Variants in PRKN observed in about 807,000 individuals in gnomAD.
PRKN encodes parkin RBR E3 ubiquitin protein ligase, also known as E3 ubiquitin-protein ligase parkin.
PRKN carries 56 observed loss-of-function variants against 59.5 expected under a neutral mutation model. The observed-to-expected ratio is 0.94, with a 90% CI of 0.76 to 1.18. The LOEUF (loss-of-function observed/expected upper bound fraction) is 1.18, where lower values mean the gene tolerates loss of function less well. PRKN is among the 50% of genes most tolerant of loss of function. The pLI is 0.00. For missense variants in PRKN, 657 were observed against 596.4 expected (o/e 1.10, Z -1.06); for synonymous variants, 250 against 222.1 (o/e 1.13, Z -1.12).
chr6:161,664,040 CTTTGA>C, intron 7 of PRKN, among the ~76,000 whole-genome samples: 1 of 152,338 alleles, frequency 6.6e-6, no homozygotes, highest in Admixed American at 6.5e-5. Context: ...CCCTAAACCC[CTTTGA>C]TTTATCAATT....
At chr6:162,050,823 T>TC (rs1338181129) in intron 5 of PRKN, among the ~76,000 whole-genome samples, 1 of 151,354 alleles carries the variant, frequency 6.6e-6, no homozygotes, top group Admixed American at 6.6e-5. Context: ...CACTCCCACC[T>TC]CCCCCCAATC....
Position 161,402,189 on chromosome 6 carries a change from A to C in PRKN, c.1084-15312T>G, listed in dbSNP as rs1468690660. 2.0e-5 allele frequency among the ~76,000 whole-genome samples: 3 copies of C among 152,054 alleles called. No homozygotes were observed. Among genetic ancestry groups the C allele is most frequent in the Non-Finnish European group, 4.4e-5 (3 of 68,008 alleles). ...AACTCATGCCTCGGGGGTCGTGAGC[A>C]GGAGGTGAAGCCAAATGCCTTCAGT... is the stretch of plus-strand genomic sequence containing the variant. On this transcript the variant is annotated intron_variant, in intron 9 of 11. Coordinates refer to ENST00000366898, the MANE Select transcript of PRKN (RefSeq NM_004562.3). The surrounding 1 kb of genome is among the most constrained non-coding windows in gnomAD (Gnocchi z 4.5).
chr6:161,862,437 A>T (rs1037880605), intron 6 of PRKN, among the ~76,000 whole-genome samples: 2 of 152,200 alleles, frequency 1.3e-5, no homozygotes, highest in African/African-American at 4.8e-5. Context: ...TCACCTCTGC[A>T]TTGGCTGAGC....
At chr6:162,058,631 A>C (rs1039476386) in intron 4 of PRKN, among the ~76,000 whole-genome samples, 2 of 152,194 alleles carry the variant, frequency 1.3e-5, no homozygotes, top group African/African-American at 4.8e-5. Context: ...AATGGTCAAT[A>C]ACACACCTAC....
intron 2 of PRKN, among the ~76,000 whole-genome samples, chr6:162,297,965 T>A (rs1264916122): frequency 3.9e-5 from 6 of 152,146 alleles, no homozygotes; most frequent in Non-Finnish European, 1.5e-5. Flanking sequence ...ATTATAGCTG[T>A]GGGTGCTAGA....
intron 7 of PRKN, among the ~76,000 whole-genome samples, chr6:161,741,442 C>T (rs746466519): frequency 6.6e-5 from 10 of 152,230 alleles, no homozygotes; most frequent in South Asian, 4.2e-4. Context: ...TTGTACCGGA[C>T]GGGGAATCCG....
chr6:162,640,666 T>C (rs1777923896), intron 1 of PRKN, among the ~76,000 whole-genome samples: 1 of 152,236 alleles, frequency 6.6e-6, no homozygotes, highest in African/African-American at 2.4e-5. Flanking sequence ...TTTCATAAAG[T>C]ATGTCTGCTG....
At chr6:161,682,731 G>A (rs907831826) in intron 7 of PRKN, among the ~76,000 whole-genome samples, 2 of 152,190 alleles carry the variant, frequency 1.3e-5, no homozygotes, top group African/African-American at 4.8e-5. Context: ...AGGGAGCAGA[G>A]GGCCGCTCTG....
chr6:162,144,551 C>T (rs912792419), intron 4 of PRKN, among the ~76,000 whole-genome samples: 2 of 152,112 alleles, frequency 1.3e-5, no homozygotes, highest in Non-Finnish European at 2.9e-5. Context: ...GCTGGCTTCC[C>T]TACAATGTCT....
intron 2 of PRKN, among the ~76,000 whole-genome samples, chr6:162,295,982 T>C (rs1403737162): frequency 6.6e-6 from 1 of 151,862 alleles, no homozygotes; most frequent in Non-Finnish European, 1.5e-5. Context: ...CAAAGAAACA[T>C]GAAATAAAAA....
intron 1 of PRKN, among the ~76,000 whole-genome samples, chr6:162,479,741 T>C (rs915002155): frequency 6.8e-6 from 1 of 147,816 alleles, no homozygotes; most frequent in African/African-American, 2.5e-5. Context: ...TGCCTGAGGC[T>C]GTTTTACAGT....
At chr6:162,593,871 G>C (rs1344101357) in intron 1 of PRKN, among the ~76,000 whole-genome samples, 1 of 152,062 alleles carries the variant, frequency 6.6e-6, no homozygotes, top group African/African-American at 2.4e-5. Flanking sequence ...CACTCCTTTG[G>C]GCCAGGCACG....
chr6:162,690,069 A>G (rs971397039), intron 1 of PRKN, among the ~76,000 whole-genome samples: 7 of 28,288 alleles, frequency 2.5e-4, no homozygotes, highest in African/African-American at 9.3e-4. Flanking sequence ...TCTTGAAGAT[A>G]TATTGTTATT....
At position 162,400,078 on chromosome 6, in the gene PRKN, G is replaced by A. The variant is rs1449598507; in HGVS notation, c.171+43232C>T. Among the ~76,000 whole-genome samples the A allele has an allele frequency of 2.0e-5, 3 of 152,096 alleles. No homozygotes were observed. The East Asian group carries it at 5.8e-4, about 30-fold the overall frequency. ...AAAAATTAGCTGGGCATGGTGGCAG[G>A]TGCCTGTAATCCCAGCTACTTGGGA... is the stretch of plus-strand genomic sequence containing the variant. On this transcript the variant is annotated intron_variant, in intron 2 of 11. Transcript: ENST00000366898.
rs1313238598 is a variant in PRKN, at chr6:161,502,200, A to G, written c.1083+46654T>C. Among the ~76,000 whole-genome samples, 1 of 152,194 alleles carries G rather than the reference A, an allele frequency of 6.6e-6. No homozygotes were observed. Among genetic ancestry groups the G allele is most frequent in the Non-Finnish European group, 1.5e-5 (1 of 68,046 alleles). On this transcript the variant is annotated intron_variant, in intron 9 of 11. Transcript: ENST00000366898. This position sits in a 1 kb window ranked among gnomAD's most constrained non-coding sequence, Gnocchi z 4.0. ...GGGCCATGCACTGCACATGCTTATC[A>G]TTAGTCAATTGATTAAGTTTGCACT...
At chr6:162,722,582 A>G (rs375469641) in intron 1 of PRKN, among the ~76,000 whole-genome samples, 23 of 152,266 alleles carry the variant, frequency 1.5e-4, no homozygotes, top group African/African-American at 5.3e-4. Context: ...AACAGCAGGT[A>G]AGAAACAATT....
chr6:161,711,845 A>G (rs1786762730), intron 7 of PRKN, among the ~76,000 whole-genome samples: 1 of 152,112 alleles, frequency 6.6e-6, no homozygotes, highest in South Asian at 2.1e-4. Context: ...CTAGTTCTTC[A>G]GCTTTTGACT....
chr6:162,119,772 A>G (rs1431831728), intron 4 of PRKN, among the ~76,000 whole-genome samples: 1 of 152,092 alleles, frequency 6.6e-6, no homozygotes, highest in Non-Finnish European at 1.5e-5. Flanking sequence ...AATCAGAGAG[A>G]TTTGGAAATT....
intron 5 of PRKN, among the ~76,000 whole-genome samples, chr6:162,021,463 T>A (rs199709668): frequency 0.023 from 620 of 26,830 alleles, 2 homozygotes; most frequent in South Asian, 0.079. Context: ...ATATATATAT[T>A]TTTTTTTTTT....
Sources: allele counts gnomAD v4.1 joint callset (sites outside exome capture counted in the v4.1 genomes callset), GRCh38; gene constraint gnomAD v4.1.1; non-coding constraint Gnocchi (gnomAD v3.1); transcripts MANE v1.5; gene names NCBI Gene and HGNC (gene_info 2026-07-23, HGNC 2026-07-21).